FAT3: variants seen among roughly 807,000 people sequenced by gnomAD.
The protein encoded by FAT3 is FAT atypical cadherin 3.
Under a neutral mutation model 310.2 loss-of-function variants are expected in FAT3, and 95 were observed. The ratio of observed to expected loss-of-function variants is 0.31; its 90% CI spans 0.26 to 0.36. The LOEUF (loss-of-function observed/expected upper bound fraction) is 0.36. Among genes scored for constraint, FAT3 ranks in the 10% least tolerant of loss-of-function variants. The pLI is 1.00. For synonymous variants in FAT3, 2,314 were observed against 2,192.9 expected (o/e 1.06, Z -1.54); for missense variants, 5,408 against 5,715.6 (o/e 0.95, Z 1.74).
At chr11:92,699,263 G>A (rs1010026689) in intron 4 of FAT3, among the ~76,000 whole-genome samples, 2 of 152,182 alleles carry the variant, frequency 1.3e-5, no homozygotes, top group African/African-American at 4.8e-5. Flanking sequence ...TGTGATACAA[G>A]ACATAAGACT....
Position 92,894,791 on chromosome 11 carries a change from A to C in FAT3, c.*3678A>C, listed in dbSNP as rs191529838. ...TGGTCCATGCTTTGAGGTTCATCCA[A>C]TTAGGGAATAAATGTGAAAGGCTGG... is the stretch of plus-strand genomic sequence containing the variant. On this transcript the variant is annotated 3_prime_UTR_variant, in exon 28 of 28. Transcript: ENST00000525166. 6.6e-5 allele frequency: 10 copies of C among 152,302 alleles called. No individual in the cohort carries two copies. Among genetic ancestry groups the C allele is most frequent in the Admixed American group, 6.5e-4 (10 of 15,302 alleles). The allele number at this position is 152,302 out of a possible 1,614,324, so 9.4% of individuals were successfully genotyped here.
At chr11:92,296,034 G>A (rs1014646) in intron 1 of FAT3, among the ~76,000 whole-genome samples, 106,178 of 151,916 alleles carry the variant, frequency 0.7, 37,327 homozygotes, top group African/African-American at 0.77. Flanking sequence ...AGACTAGAGG[G>A]AGGAGGCCAC....
intron 2 of FAT3, among the ~76,000 whole-genome samples, chr11:92,449,298 G>A (rs1319258404): frequency 2.0e-5 from 3 of 152,126 alleles, no homozygotes; most frequent in Non-Finnish European, 4.4e-5. Flanking sequence ...GCATGTGATG[G>A]CTGAATCTCA....
chr11:92,596,669 C>G (rs1284704161), intron 3 of FAT3, among the ~76,000 whole-genome samples: 2 of 152,200 alleles, frequency 1.3e-5, no homozygotes, highest in African/African-American at 2.4e-5. Context: ...CTCCTTCATA[C>G]TGGCTGTGTT....
At chr11:92,477,879 A>C (rs1952090055) in intron 2 of FAT3, among the ~76,000 whole-genome samples, 1 of 152,178 alleles carries the variant, frequency 6.6e-6, no homozygotes, top group South Asian at 2.1e-4. Flanking sequence ...GTGCTGCAGG[A>C]GTTCTGTCAA....
At chr11:92,615,991 G>A (rs1215754428) in intron 3 of FAT3, among the ~76,000 whole-genome samples, 2 of 152,166 alleles carry the variant, frequency 1.3e-5, no homozygotes, top group African/African-American at 4.8e-5. Context: ...TGTCTATTAG[G>A]TCCACTTGGT....
At chr11:92,534,800 G>GA (rs1954198277) in intron 3 of FAT3, among the ~76,000 whole-genome samples, 2 of 152,092 alleles carry the variant, frequency 1.3e-5, no homozygotes, top group African/African-American at 2.4e-5. Context: ...GCTAACAAGA[G>GA]AAAAACATAC....
At chr11:92,468,560 C>T (rs187696931) in intron 2 of FAT3, among the ~76,000 whole-genome samples, 21 of 152,184 alleles carry the variant, frequency 1.4e-4, no homozygotes, top group Admixed American at 1.0e-3. Context: ...GTGTATTAGT[C>T]CATTCTCATG....
intron 4 of FAT3, among the ~76,000 whole-genome samples, chr11:92,751,986 C>T (rs1945841348): frequency 6.6e-6 from 1 of 151,978 alleles, no homozygotes; most frequent in Non-Finnish European, 1.5e-5. Flanking sequence ...AATGATCAAG[C>T]AGAGGACTGA....
intron 1 of FAT3, among the ~76,000 whole-genome samples, chr11:92,291,070 CT>C (rs540517730): frequency 7.4e-4 from 95 of 127,830 alleles, no homozygotes; most frequent in African/African-American, 2.6e-3. Context: ...CTGCTAAATG[CT>C]TTTTATTCTA....
intron 2 of FAT3, among the ~76,000 whole-genome samples, chr11:92,515,046 T>C (rs535544774): frequency 1.8e-3 from 267 of 152,214 alleles, no homozygotes; most frequent in African/African-American, 6.1e-3. Flanking sequence ...TTGAGGTCTC[T>C]TCCAGGTCTG....
intron 2 of FAT3, among the ~76,000 whole-genome samples, chr11:92,379,091 C>G (rs758167253): frequency 4.6e-5 from 7 of 152,140 alleles, no homozygotes; most frequent in Non-Finnish European, 1.0e-4. Context: ...CCTGCCACTC[C>G]TCTCTCCATA....
At chr11:92,848,977 G>A (rs925975685) in intron 19 of FAT3, among the ~76,000 whole-genome samples, 4 of 152,246 alleles carry the variant, frequency 2.6e-5, no homozygotes, top group Non-Finnish European at 1.5e-5. Flanking sequence ...TGCACGGATC[G>A]AGGTACGGAC....
chr11:92,737,733 T>C (rs1040981786), intron 4 of FAT3, among the ~76,000 whole-genome samples: 3 of 152,140 alleles, frequency 2.0e-5, no homozygotes, highest in Non-Finnish European at 4.4e-5. Context: ...TCAGTGGAAT[T>C]AATTACTGTA....
At chr11:92,777,288 A>G (rs1946623040) in intron 7 of FAT3, among the ~76,000 whole-genome samples, 1 of 152,202 alleles carries the variant, frequency 6.6e-6, no homozygotes, top group South Asian at 2.1e-4. Context: ...GGCTTCACAA[A>G]TGTCAAATAA....
intron 3 of FAT3, chr11:92,559,460 C>T (rs770151596): frequency 8.8e-5 from 33 of 375,172 alleles, no homozygotes; most frequent in African/African-American, 6.7e-4. Context: ...TCATAGCTCA[C>T]TGCAATCTCG....
intron 2 of FAT3, among the ~76,000 whole-genome samples, chr11:92,443,110 G>T (rs1245546543): frequency 2.0e-5 from 3 of 152,012 alleles, no homozygotes; most frequent in Non-Finnish European, 4.4e-5. Context: ...AGATATTTTC[G>T]TGCCTTATAC....
At chr11:92,796,470 T>G (rs938555211) in intron 9 of FAT3, among the ~76,000 whole-genome samples, 8 of 152,204 alleles carry the variant, frequency 5.3e-5, no homozygotes, top group Non-Finnish European at 1.2e-4. Context: ...GAAAACTTTA[T>G]ATAATTAGCA....
At chr11:92,397,856 C>T (rs768456290) in intron 2 of FAT3, among the ~76,000 whole-genome samples, 1 of 151,342 alleles carries the variant, frequency 6.6e-6, no homozygotes, top group Non-Finnish European at 1.5e-5. Flanking sequence ...ATTTTACAAA[C>T]TTTTTTTGAC....
Sources: gnomAD v4.1 joint callset for allele counts (sites outside exome capture counted in the v4.1 genomes callset) on GRCh38, gnomAD v4.1.1 for gene constraint, MANE v1.5 for transcripts, NCBI Gene and HGNC (gene_info 2026-07-23, HGNC 2026-07-21) for gene names.